Variants in GALK2 observed in about 807,000 individuals in gnomAD.
GALK2 encodes the protein N-acetylgalactosamine kinase.
In GALK2, 36 loss-of-function variants were observed where a neutral mutation model predicts 52.4. That is an observed-to-expected ratio of 0.69 (90% CI 0.53 to 0.91). GALK2 has a LOEUF of 0.91. GALK2 is among the 40% of genes least tolerant of loss of function. The probability of loss-of-function intolerance (pLI) is 0.00; values close to 1 mark genes in which losing one functional copy is unlikely to be tolerated. For missense variants in GALK2, 579 were observed against 559.1 expected, an observed-to-expected ratio of 1.04 and a Z score of -0.36; for synonymous variants, 176 against 199.1, an observed-to-expected ratio of 0.88 and a Z score of 0.98.
intron 1 of GALK2, among the ~76,000 whole-genome samples, chr15:49,182,580 T>A (rs978030378): frequency 2.0e-5 from 3 of 152,342 alleles, no homozygotes; most frequent in Middle Eastern, 3.4e-3. Context: ...TTCTCGGTAG[T>A]GGTTGTACTA....
intron 5 of GALK2, among the ~76,000 whole-genome samples, chr15:49,252,250 A>G (rs1022936316): frequency 6.6e-6 from 1 of 152,178 alleles, no homozygotes; most frequent in African/African-American, 2.4e-5. Context: ...TGGGTGACAG[A>G]GTAAGACTTC....
At chr15:49,286,876 C>T (rs1287598677) in intron 7 of GALK2, among the ~76,000 whole-genome samples, 1 of 152,158 alleles carries the variant, frequency 6.6e-6, no homozygotes, top group Non-Finnish European at 1.5e-5. Flanking sequence ...CAAACATACA[C>T]AACATTGTTT....
At chr15:49,180,516 C>T (rs758606397) in intron 1 of GALK2, among the ~76,000 whole-genome samples, 10 of 152,068 alleles carry the variant, frequency 6.6e-5, no homozygotes, top group East Asian at 1.9e-4. Context: ...TTCTACAATC[C>T]GAATTCCACA....
upstream of GALK2, among the ~76,000 whole-genome samples, chr15:49,166,877 T>G (rs2084840226): frequency 6.6e-6 from 1 of 152,248 alleles, no homozygotes; most frequent in Non-Finnish European, 1.5e-5. Flanking sequence ...GGAAATATTT[T>G]CCAGAGGTTG....
At chr15:49,229,251 G>T (rs1398656659) in intron 3 of GALK2, among the ~76,000 whole-genome samples, 1 of 152,166 alleles carries the variant, frequency 6.6e-6, no homozygotes, top group Non-Finnish European at 1.5e-5. Context: ...ACTGGTCTCT[G>T]ATTTCCTCAG....
Position 49,235,955 on chromosome 15 carries a change from T to A in GALK2, c.357+14T>A. 2.7e-6 allele frequency: 4 copies of A among 1,467,374 alleles called. No individual in the cohort carries two copies. The highest frequency in any genetic ancestry group is 1.7e-4 in the Middle Eastern group (1 of 5,744). The allele number at this position is 1,467,374 out of a possible 1,614,324, so 90.9% of individuals were successfully genotyped here. A position where few individuals can be genotyped will look rare whatever the true frequency, so the allele number is the denominator to read the frequency against. ...AAAGGAATTCAGGTAAATTGGTTTA[T>A]AAGGCACTTACTACCAGTTGAGATT... On this transcript the variant is annotated intron_variant, in intron 4 of 9. Coordinates refer to ENST00000560031, the MANE Select transcript of GALK2 (RefSeq NM_002044.4).
chr15:49,266,238 T>A (rs1481797720), intron 5 of GALK2, among the ~76,000 whole-genome samples: 1 of 152,046 alleles, frequency 6.6e-6, no homozygotes, highest in Non-Finnish European at 1.5e-5. Flanking sequence ...AATGTACAAG[T>A]GCTTTTCAAG....
At chr15:49,346,715 G>C (rs2041561544) in intron 3 of GALK2, among the ~76,000 whole-genome samples, 1 of 152,112 alleles carries the variant, frequency 6.6e-6, no homozygotes, top group African/African-American at 2.4e-5. Context: ...TAAGGCGAAA[G>C]TGCCCATTAT....
intron 7 of GALK2, among the ~76,000 whole-genome samples, chr15:49,284,096 G>C (rs921136649): frequency 6.6e-6 from 1 of 152,012 alleles, no homozygotes; most frequent in African/African-American, 2.4e-5. Context: ...TTTTTTATTG[G>C]GTTATCATTC....
At chr15:49,289,404 A>G (rs529695435) in intron 7 of GALK2, among the ~76,000 whole-genome samples, 1 of 152,334 alleles carries the variant, frequency 6.6e-6, no homozygotes, top group African/African-American at 2.4e-5. Context: ...AAAAAGTAGG[A>G]GATGATGAGA....
At chr15:49,242,850 T>C (rs965438825) in intron 5 of GALK2, among the ~76,000 whole-genome samples, 3 of 152,242 alleles carry the variant, frequency 2.0e-5, no homozygotes, top group Non-Finnish European at 4.4e-5. Flanking sequence ...TCTTTTTCTG[T>C]GTCCCTAAAT....
intron 7 of GALK2, among the ~76,000 whole-genome samples, chr15:49,289,023 C>G (rs1212055850): frequency 6.6e-6 from 1 of 152,188 alleles, no homozygotes; most frequent in Non-Finnish European, 1.5e-5. Flanking sequence ...ACCTCCTGAC[C>G]TCAGTTAGGT....
Position 49,201,173 on chromosome 15 carries a change from T to G in GALK2, c.65T>G (p.Leu22Arg). The change falls in exon 2 of 10, where the codon CTA (leucine) becomes CGA (arginine). Residue 22 changes from leucine to arginine, a missense_variant. Physicochemically the swap from Leu to Arg is moderately radical, Grantham distance 102. Coordinates refer to ENST00000560031, the MANE Select transcript of GALK2 (RefSeq NM_002044.4). ...QVAEHPRLLK[L>R]KEMFNSKFGS... ...ACTTTTATTTTCAGGTTACTGAAGC[T>G]AAAGGAGATGTTTAACTCCAAGTTT... 1 of 1,598,846 alleles carries G rather than the reference T, an allele frequency of 6.3e-7. No homozygotes were observed. Among genetic ancestry groups the G allele is most frequent in the Non-Finnish European group, 8.6e-7 (1 of 1,166,886 alleles).
At chr15:49,187,523 C>G (rs1435200556) in intron 1 of GALK2, among the ~76,000 whole-genome samples, 1 of 152,120 alleles carries the variant, frequency 6.6e-6, no homozygotes, top group African/African-American at 2.4e-5. Flanking sequence ...GATGAGCTCC[C>G]CCTAAGCCCA....
At chr15:49,206,385 G>T (rs2088287748) in intron 2 of GALK2, among the ~76,000 whole-genome samples, 1 of 151,800 alleles carries the variant, frequency 6.6e-6, no homozygotes, top group South Asian at 2.1e-4. Flanking sequence ...TTTTGATGGG[G>T]ACTGCATTGA....
At chr15:49,213,071 T>C (rs974537602) in intron 2 of GALK2, among the ~76,000 whole-genome samples, 1 of 152,208 alleles carries the variant, frequency 6.6e-6, no homozygotes, top group Non-Finnish European at 1.5e-5. Context: ...ATAAATACCC[T>C]AGGGCTGAAA....
chr15:49,252,752 C>T (rs76190968), intron 5 of GALK2, among the ~76,000 whole-genome samples: 2,215 of 110,334 alleles, frequency 0.02, 342 homozygotes, highest in South Asian at 0.082. Context: ...TTGAAATACA[C>T]TGCCCAATCC....
At position 49,180,368 on chromosome 15, in the gene GALK2, C is replaced by A. The variant is rs117245046; in HGVS notation, c.53+9993C>A. On this transcript the variant is annotated intron_variant, in intron 1 of 9. Coordinates refer to ENST00000560031, the MANE Select transcript of GALK2 (RefSeq NM_002044.4). ...GTTGTACTTATTGCTCTTTTTCCCACATTTAATTGTACCAATTCCTTTGGA... is the reference window on the plus strand; with the variant it reads ...GTTGTACTTATTGCTCTTTTTCCCAAATTTAATTGTACCAATTCCTTTGGA... Among the ~76,000 whole-genome samples, 27 of 152,314 alleles carry A rather than the reference C, an allele frequency of 1.8e-4. No individual in the cohort carries two copies. The East Asian group carries it at 5.0e-3, about 28-fold the overall frequency.
intron 1 of GALK2, among the ~76,000 whole-genome samples, chr15:49,157,523 T>G (rs1262307707): frequency 6.6e-6 from 1 of 152,180 alleles, no homozygotes; most frequent in African/African-American, 2.4e-5. Flanking sequence ...CTTTGACAAA[T>G]AGTTAAGTCC....
Sources: allele counts gnomAD v4.1 joint callset (sites outside exome capture counted in the v4.1 genomes callset), GRCh38; gene constraint gnomAD v4.1.1; transcripts MANE v1.5; gene names NCBI Gene and HGNC (gene_info 2026-07-23, HGNC 2026-07-21).